PKIB: variants seen among roughly 807,000 people sequenced by gnomAD.
PKIB encodes PKI-beta.
PKIB carries 2 observed loss-of-function variants against 4.5 expected under a neutral mutation model. The ratio of observed to expected loss-of-function variants is 0.44; its 90% CI spans 0.18 to 1.39. The LOEUF (loss-of-function observed/expected upper bound fraction) is 1.39, where lower values mean the gene tolerates loss of function less well. Ranked by LOEUF, PKIB falls within the 40% of genes most tolerant of loss-of-function variation. The pLI, the probability that PKIB is intolerant of heterozygous loss-of-function variation, is 0.27. For synonymous variants in PKIB, 38 were observed against 36.0 expected, an observed-to-expected ratio of 1.06 and a Z score of -0.20; for missense variants, 94 against 92.6, an observed-to-expected ratio of 1.02 and a Z score of -0.06.
At chr6:122,678,184 A>G (rs1777761777) in intron 3 of PKIB, among the ~76,000 whole-genome samples, 1 of 152,110 alleles carries the variant, frequency 6.6e-6, no homozygotes, top group South Asian at 2.1e-4. Flanking sequence ...AGGCATGAGC[A>G]AAACCAGCTT....
rs955867945 is a variant in PKIB, at chr6:122,583,197, G to T, written c.-247-2724G>T. On this transcript the variant is annotated intron_variant, in intron 2 of 6. Coordinates refer to the PKIB transcript ENST00000392491. ...AGATTATTTTGAAAGAAACAATAGAGCATTTAATAATTTTATTTGCAAAAT... is the reference window on the plus strand; with the variant it reads ...AGATTATTTTGAAAGAAACAATAGATCATTTAATAATTTTATTTGCAAAAT... Among the ~76,000 whole-genome samples the T allele has an allele frequency of 3.9e-5, 6 of 152,062 alleles. No homozygotes were observed. In the South Asian group the frequency reaches 6.2e-4, roughly 16 times the overall value.
intron 2 of PKIB, among the ~76,000 whole-genome samples, chr6:122,659,070 T>A (rs773223661): frequency 4.2e-4 from 64 of 152,074 alleles, no homozygotes; most frequent in Non-Finnish European, 8.1e-4. Context: ...TATGAACTTT[T>A]AAAATGAATA....
intron 2 of PKIB, among the ~76,000 whole-genome samples, chr6:122,489,098 A>G (rs943558572): frequency 1.1e-4 from 16 of 152,244 alleles, no homozygotes; most frequent in Non-Finnish European, 2.1e-4. Context: ...AATAGCCCCA[A>G]TAGTTTCCTT....
chr6:122,627,473 T>G (rs1775503441), intron 1 of PKIB, among the ~76,000 whole-genome samples: 1 of 152,224 alleles, frequency 6.6e-6, no homozygotes, highest in Non-Finnish European at 1.5e-5. Flanking sequence ...GCCTATTGGA[T>G]AAGCCCTTCT....
At chr6:122,708,970 G>T (rs1192715350) in intron 3 of PKIB, among the ~76,000 whole-genome samples, 1 of 152,048 alleles carries the variant, frequency 6.6e-6, no homozygotes, top group Non-Finnish European at 1.5e-5. Context: ...AACATCAGAG[G>T]CTGTCTCTAG....
chr6:122,580,844 T>C (rs904980210), intron 2 of PKIB, among the ~76,000 whole-genome samples: 2 of 152,194 alleles, frequency 1.3e-5, no homozygotes, highest in Admixed American at 1.3e-4. Context: ...CAAATTGCAC[T>C]GAATACCTTG....
At chr6:122,653,346 A>G (rs1311327464) in intron 2 of PKIB, among the ~76,000 whole-genome samples, 1 of 152,086 alleles carries the variant, frequency 6.6e-6, no homozygotes, top group Non-Finnish European at 1.5e-5. Context: ...ATCTCCACCC[A>G]AGCTCTTGTG....
chr6:122,537,515 A>G (rs954492409), intron 2 of PKIB, among the ~76,000 whole-genome samples: 1 of 151,962 alleles, frequency 6.6e-6, no homozygotes, highest in South Asian at 2.1e-4. Flanking sequence ...TGAACTCATC[A>G]TTTTTTATGG....
intron 2 of PKIB, among the ~76,000 whole-genome samples, chr6:122,673,324 T>A (rs1777539270): frequency 6.6e-6 from 1 of 152,340 alleles, no homozygotes; most frequent in East Asian, 1.9e-4. Context: ...AAGAGCTGCA[T>A]CCAAATGGTT....
At chr6:122,479,882 G>A (rs189832905) in intron 2 of PKIB, 2 of 152,116 alleles carry the variant, frequency 1.3e-5, no homozygotes, top group Admixed American at 1.3e-4. Flanking sequence ...GACTGTAAGA[G>A]CTTCCCATGG....
chr6:122,643,629 T>A (rs1281139458), intron 2 of PKIB: 7 of 152,330 alleles, frequency 4.6e-5, no homozygotes, highest in South Asian at 2.1e-4. Flanking sequence ...TACAGATGCT[T>A]GAGAACACCT....
At chr6:122,588,598 G>C (rs1773923527) in intron 3 of PKIB, among the ~76,000 whole-genome samples, 1 of 152,146 alleles carries the variant, frequency 6.6e-6, no homozygotes, top group African/African-American at 2.4e-5. Context: ...CAATGGAACA[G>C]AATTTTTTGT....
At chr6:122,481,947 A>G (rs1330757953) in intron 2 of PKIB, 1 of 149,168 alleles carries the variant, frequency 6.7e-6, no homozygotes, top group Non-Finnish European at 1.5e-5. Flanking sequence ...CACAGAACAC[A>G]GCAGCAAAGG....
At chr6:122,507,010 T>A (rs1776429656) in intron 2 of PKIB, among the ~76,000 whole-genome samples, 1 of 152,156 alleles carries the variant, frequency 6.6e-6, no homozygotes, top group Non-Finnish European at 1.5e-5. Context: ...CGTAATTTTT[T>A]AAAATTAATA....
At chr6:122,645,719 T>A (rs1301752767) in intron 2 of PKIB, among the ~76,000 whole-genome samples, 3 of 152,116 alleles carry the variant, frequency 2.0e-5, no homozygotes, top group Non-Finnish European at 4.4e-5. Flanking sequence ...GCAGAGACTC[T>A]GTTAGGTGGG....
intron 2 of PKIB, among the ~76,000 whole-genome samples, chr6:122,635,351 G>A (rs942898926): frequency 6.6e-6 from 1 of 152,072 alleles, no homozygotes; most frequent in African/African-American, 2.4e-5. Context: ...TCCTTGACCA[G>A]CTTGAATAGA....
At chr6:122,702,935 G>A (rs1034204946) in intron 3 of PKIB, among the ~76,000 whole-genome samples, 3 of 152,092 alleles carry the variant, frequency 2.0e-5, no homozygotes, top group Admixed American at 1.3e-4. Context: ...GAAGCATGAT[G>A]TCGTGTACTT....
intron 2 of PKIB, among the ~76,000 whole-genome samples, chr6:122,633,817 T>A (rs1775792052): frequency 6.6e-6 from 1 of 152,198 alleles, no homozygotes; most frequent in African/African-American, 2.4e-5. Context: ...AGAATTATAA[T>A]CAGTACCTAC....
intron 2 of PKIB, among the ~76,000 whole-genome samples, chr6:122,554,119 G>C (rs1016153823): frequency 1.3e-5 from 2 of 152,140 alleles, no homozygotes; most frequent in Non-Finnish European, 2.9e-5. Context: ...TAAAAATTTT[G>C]TACTACAGAG....
Sources: gnomAD v4.1 joint callset for allele counts (sites outside exome capture counted in the v4.1 genomes callset) on GRCh38, gnomAD v4.1.1 for gene constraint, MANE v1.5 for transcripts, NCBI Gene and HGNC (gene_info 2026-07-23, HGNC 2026-07-21) for gene names.